The following POF1B variants were observed in gnomAD, a reference collection of about 807,000 sequenced individuals.
POF1B encodes the protein POF1B actin binding protein.
A neutral mutation model predicts 55.3 loss-of-function variants in POF1B; 53 were observed. The observed-to-expected ratio is 0.96, with a 90% CI of 0.77 to 1.20. The LOEUF is 1.20. POF1B is among the 50% of genes most tolerant of loss of function. The pLI is 0.00. For missense variants in POF1B, 478 were observed against 420.5 expected (o/e 1.14, Z -1.20); for synonymous variants, 188 against 148.3 (o/e 1.27, Z -1.95).
intron 9 of POF1B, among the ~76,000 whole-genome samples, chrX:85,309,356 A>AC (rs1337654016): frequency 4.6e-4 from 49 of 106,101 alleles, no homozygotes; most frequent in African/African-American, 1.6e-3. Context: ...TTGTTGCTTC[A>AC]CAAAAAAAAA....
At chrX:85,310,221 GACA>G (rs746991451) in intron 9 of POF1B, among the ~76,000 whole-genome samples, 1 of 112,069 alleles carries the variant, frequency 8.9e-6, no homozygotes, top group Non-Finnish European at 1.9e-5. Context: ...CTTAATTGAT[GACA>G]ACATCAAGAT....
chrX:85,354,971 T>A (rs938129705), intron 4 of POF1B, among the ~76,000 whole-genome samples: 1 of 111,488 alleles, frequency 9.0e-6, no homozygotes, highest in African/African-American at 3.3e-5. Flanking sequence ...AAGGTTCATA[T>A]GGAACCAAAA....
chrX:85,345,975 T>C lies in POF1B; in HGVS notation c.608A>G (p.His203Arg). 1.7e-6 allele frequency: 2 copies of C among 1,206,422 alleles called. No homozygotes were observed. Among genetic ancestry groups the C allele is most frequent in the Middle Eastern group, 2.3e-4 (1 of 4,325 alleles). The change falls in exon 6 of 17, where the codon CAC becomes CGC. Residue 203 changes from histidine (H) to arginine (R), a missense_variant. By Grantham distance (29) the His-to-Arg change is conservative (BLOSUM62 0). Transcript: ENST00000262753. ...IQQPQVIHSA[H>R]WQQPDSSQQI... The stretch of plus-strand genomic sequence containing the variant: ...CTGGCTAGAATCAGGTTGTTGCCAG[T>C]GTGCAGAGTGGATGACCTGGGGCTG...
intron 4 of POF1B, among the ~76,000 whole-genome samples, chrX:85,352,802 A>G (rs1355984499): frequency 1.8e-5 from 2 of 111,413 alleles, no homozygotes; most frequent in Non-Finnish European, 3.8e-5. Flanking sequence ...TTATTTTATT[A>G]CCAGGAGCAT....
rs1603032297 is a variant in POF1B, at chrX:85,304,454, G to A, written c.1455C>T (p.Tyr485=). ...CTTCTCTCTTTGAAACATCTTTATG[G>A]TACTGGTTTAATTGGGACTAAGGAT... ...ICRLRSQLNQ[Y]HKDVSKREGS... The change falls in exon 14 of 17, where the codon TAC becomes TAT. Residue 485 remains tyrosine (Y), a synonymous_variant. Coordinates refer to ENST00000262753, the MANE Select transcript of POF1B (RefSeq NM_024921.4). 8.7e-7 allele frequency: 1 copy of A among 1,149,551 alleles called. No homozygotes were observed. Among genetic ancestry groups the A allele is most frequent in the Non-Finnish European group, 1.2e-6 (1 of 859,466 alleles). The allele number at this position is 1,149,551 out of a possible 1,213,427, so 94.7% of individuals were successfully genotyped here. A position where few individuals can be genotyped will look rare whatever the true frequency, so the allele number is the denominator to read the frequency against.
chrX:85,368,873 G>A (rs772837173), intron 2 of POF1B, among the ~76,000 whole-genome samples: 4 of 111,271 alleles, frequency 3.6e-5, no homozygotes, highest in African/African-American at 6.5e-5. Context: ...CAATTGGCAC[G>A]ACTCCATTAT....
intron 7 of POF1B, among the ~76,000 whole-genome samples, chrX:85,323,960 A>G (rs747756922): frequency 6.7e-4 from 75 of 112,006 alleles, no homozygotes; most frequent in Non-Finnish European, 1.2e-3. Flanking sequence ...TTCTGGCTTA[A>G]TTTCATTATT....
At chrX:85,309,768 G>C (rs982186745) in intron 9 of POF1B, among the ~76,000 whole-genome samples, 5 of 111,939 alleles carry the variant, frequency 4.5e-5, no homozygotes, top group African/African-American at 1.6e-4. Flanking sequence ...GCCAAGAAGA[G>C]AGCTTAGACT....
chrX:85,323,930 G>A (rs950431906), intron 7 of POF1B, among the ~76,000 whole-genome samples: 4 of 111,700 alleles, frequency 3.6e-5, no homozygotes, highest in South Asian at 3.7e-4. Flanking sequence ...GTTGTCATTC[G>A]TTTCAAAGAA....
intron 9 of POF1B, among the ~76,000 whole-genome samples, chrX:85,312,803 A>G (rs1050230810): frequency 4.5e-5 from 5 of 111,974 alleles, no homozygotes; most frequent in Non-Finnish European, 5.6e-5. Flanking sequence ...CTTCCTATCC[A>G]TAACAATGGA....
At chrX:85,376,508 T>C (rs1933924002) in intron 2 of POF1B, among the ~76,000 whole-genome samples, 1 of 111,855 alleles carries the variant, frequency 8.9e-6, no homozygotes, top group Admixed American at 9.5e-5. Flanking sequence ...ATTTTAATTC[T>C]ACCATTAATT....
Position 85,379,224 on chromosome X carries a change from AG to A in POF1B, c.230del (p.Pro77LeufsTer25). The part of the protein sequence containing the change: ...DPFNSREVLS[P>X]LKTTSSYQNL... ...TTTGGTAGGAGGAGGTGGTTTTGAG[AG>A]GGGAGAGCACTTCCCGTGAGTTGAA... is the stretch of plus-strand genomic sequence containing the variant. On this transcript the variant is annotated frameshift_variant, in exon 2 of 17. Coordinates refer to ENST00000262753, the MANE Select transcript of POF1B (RefSeq NM_024921.4). LOFTEE classifies it high-confidence loss of function. 8.3e-7 allele frequency: 1 copy of A among 1,210,893 alleles called. No homozygotes were observed. Among genetic ancestry groups the A allele is most frequent in the Non-Finnish European group, 1.1e-6 (1 of 895,197 alleles).
chrX:85,351,287 C>A, intron 5 of POF1B, 63 bp downstream of exon 5: 1 of 761,861 alleles, frequency 1.3e-6, no homozygotes, highest in Non-Finnish European at 1.9e-6. Context: ...CACTTGAGCT[C>A]TATTAAAATA....
intron 6 of POF1B, among the ~76,000 whole-genome samples, chrX:85,342,559 T>C (rs2147932601): frequency 1.8e-5 from 2 of 111,577 alleles, no homozygotes; most frequent in South Asian, 7.5e-4. Context: ...CTTTTAGAGA[T>C]GTAGAAACTG....
At chrX:85,358,231 A>G (rs1029775802) in intron 4 of POF1B, among the ~76,000 whole-genome samples, 4 of 111,469 alleles carry the variant, frequency 3.6e-5, no homozygotes, top group African/African-American at 1.3e-4. Flanking sequence ...TCCTTCCCTG[A>G]TTTCCCTCAA....
At chrX:85,302,859 C>A (rs1231127456) in intron 15 of POF1B, among the ~76,000 whole-genome samples, 1 of 111,523 alleles carries the variant, frequency 9.0e-6, no homozygotes. Flanking sequence ...TATGAAATAT[C>A]CAAAATAGAC....
At chrX:85,299,004 T>G (rs1015658576) in intron 15 of POF1B, among the ~76,000 whole-genome samples, 3 of 109,427 alleles carry the variant, frequency 2.7e-5, no homozygotes, top group African/African-American at 1.0e-4. Context: ...AAAAAGGAAA[T>G]CTGGCCAAAA....
chrX:85,325,316 C>T (rs1414616933), intron 7 of POF1B, among the ~76,000 whole-genome samples: 1 of 111,117 alleles, frequency 9.0e-6, no homozygotes, highest in Non-Finnish European at 1.9e-5. Flanking sequence ...CAGGCATGCC[C>T]GGGAGTCATA....
intron 6 of POF1B, among the ~76,000 whole-genome samples, chrX:85,336,610 T>C (rs930558713): frequency 5.4e-5 from 6 of 111,634 alleles, no homozygotes; most frequent in South Asian, 7.5e-4. Flanking sequence ...ACACCTTCTA[T>C]TGAGAAATCT....
Sources: allele counts gnomAD v4.1 joint callset (sites outside exome capture counted in the v4.1 genomes callset), GRCh38; gene constraint gnomAD v4.1.1; transcripts MANE v1.5; gene names NCBI Gene and HGNC (gene_info 2026-07-23, HGNC 2026-07-21).